The following RGS7 variants were observed in gnomAD, a reference collection of about 807,000 sequenced individuals.
The protein encoded by RGS7 is regulator of G protein signaling 7, also known as regulator of G-protein signaling 7.
A neutral mutation model predicts 81.1 loss-of-function variants in RGS7; 27 were observed. That is an observed-to-expected ratio of 0.33 (90% CI 0.25 to 0.46). The LOEUF (loss-of-function observed/expected upper bound fraction) is 0.46. RGS7 is among the 20% of genes least tolerant of loss of function. The probability of loss-of-function intolerance (pLI) is 1.00; values close to 1 mark genes in which losing one functional copy is unlikely to be tolerated. For missense variants in RGS7, 396 were observed against 607.4 expected, an observed-to-expected ratio of 0.65 and a Z score of 3.66; for synonymous variants, 208 against 207.7, an observed-to-expected ratio of 1.00 and a Z score of -0.01.
chr1:241,113,581 G>C (rs2065680905), intron 2 of RGS7, among the ~76,000 whole-genome samples: 1 of 152,202 alleles, frequency 6.6e-6, no homozygotes, highest in Admixed American at 6.5e-5. Context: ...TTAACGTTTT[G>C]ATACTCGCAT....
intron 4 of RGS7, among the ~76,000 whole-genome samples, chr1:240,946,422 G>C (rs1678617820): frequency 6.6e-6 from 1 of 152,048 alleles, no homozygotes; most frequent in Non-Finnish European, 1.5e-5. Context: ...GGACATCATA[G>C]TGAGACTCCA....
intron 6 of RGS7, among the ~76,000 whole-genome samples, chr1:240,918,184 T>G (rs964945033): frequency 6.6e-6 from 1 of 152,120 alleles, no homozygotes; most frequent in African/African-American, 2.4e-5. Flanking sequence ...ATATCTGTGG[T>G]TGACAGATCT....
chr1:241,139,789 T>G (rs2103078179), intron 2 of RGS7, among the ~76,000 whole-genome samples: 1 of 152,364 alleles, frequency 6.6e-6, no homozygotes, highest in Admixed American at 6.5e-5. Flanking sequence ...CCATGCTTTC[T>G]AATAAAGCAT....
At chr1:240,930,661 A>T (rs1675285538) in intron 6 of RGS7, 56 bp downstream of exon 6, 1 of 1,477,932 alleles carries the variant, frequency 6.8e-7, no homozygotes, top group East Asian at 2.3e-5. Context: ...ACGCAAGTAC[A>T]CATCCATCTA....
chr1:241,017,278 C>T (rs993218592), intron 3 of RGS7, among the ~76,000 whole-genome samples: 8 of 151,986 alleles, frequency 5.3e-5, no homozygotes, highest in African/African-American at 1.9e-4. Context: ...CCCGTCTCTA[C>T]TAAAATACAA....
chr1:241,331,977 C>G (rs566405973), intron 2 of RGS7, among the ~76,000 whole-genome samples: 1 of 152,178 alleles, frequency 6.6e-6, no homozygotes, highest in Non-Finnish European at 1.5e-5. Flanking sequence ...AGAGAACAAT[C>G]GAGTTTCCAA....
intron 6 of RGS7, among the ~76,000 whole-genome samples, chr1:240,904,150 A>G (rs769777386): frequency 1.3e-4 from 20 of 152,190 alleles, no homozygotes; most frequent in African/African-American, 3.9e-4. Context: ...CCAAGACACA[A>G]CATAAGTCAT....
At chr1:240,922,928 C>T (rs577277151) in intron 6 of RGS7, among the ~76,000 whole-genome samples, 11 of 152,026 alleles carry the variant, frequency 7.2e-5, no homozygotes, top group Admixed American at 2.0e-4. Flanking sequence ...CAGCTCAACT[C>T]GTAATTGCCA....
intron 2 of RGS7, among the ~76,000 whole-genome samples, chr1:241,239,545 T>C (rs78493538): frequency 0.036 from 5,555 of 152,256 alleles, 344 homozygotes; most frequent in African/African-American, 0.12. Context: ...CTTGCTCAAT[T>C]TGGGACATGT....
intron 3 of RGS7, among the ~76,000 whole-genome samples, chr1:240,984,995 C>T (rs1398013340): frequency 6.6e-6 from 1 of 152,142 alleles, no homozygotes; most frequent in South Asian, 2.1e-4. Context: ...GGAAGACAGA[C>T]TCATCCAGAT....
intron 3 of RGS7, among the ~76,000 whole-genome samples, chr1:241,087,710 A>G (rs938025595): frequency 7.9e-5 from 12 of 152,256 alleles, no homozygotes; most frequent in African/African-American, 2.6e-4. Flanking sequence ...GCACTTTGGG[A>G]GGCCGAGGTG....
At chr1:241,040,480 T>TTTAC (rs1452028918) in intron 3 of RGS7, among the ~76,000 whole-genome samples, 1 of 119,046 alleles carries the variant, frequency 8.4e-6, no homozygotes, top group Non-Finnish European at 2.0e-5. Context: ...TACTTTTCTT[T>TTTAC]TTATTTATTT....
At chr1:240,860,160 G>A (rs746300802) in intron 9 of RGS7, among the ~76,000 whole-genome samples, 2 of 152,138 alleles carry the variant, frequency 1.3e-5, no homozygotes, top group African/African-American at 2.4e-5. Flanking sequence ...TGAGAAGAAC[G>A]TGTATTCTGC....
At chr1:241,147,751 C>T (rs1245598198) in intron 2 of RGS7, among the ~76,000 whole-genome samples, 8 of 118,980 alleles carry the variant, frequency 6.7e-5, no homozygotes, top group Admixed American at 4.0e-4. Context: ...TTTTTAGGTG[C>T]GGATTAAATA....
Position 241,144,926 on chromosome 1 carries a change from G to GGGGTGTGTGTGTGTGTGTGTGTGT in RGS7, c.79-46165_79-46164insACACACACACACACACACACACCC, listed in dbSNP as rs2068191841. ...TCAGTATGTGTTGGCAGGGCAGGAT[G>GGGGTGTGTGTGTGTGTGTGTGTGT]GTGTGTGTGTGTGTGTGTGTGTGTG... On this transcript the variant is annotated intron_variant, in intron 2 of 18. Coordinates refer to ENST00000440928, the MANE Select transcript of RGS7 (RefSeq NM_001364886.1). This position sits in a 1 kb window ranked among gnomAD's most constrained non-coding sequence, Gnocchi z 4.7. Among the ~76,000 whole-genome samples, 4 of 141,904 alleles carry GGGGTGTGTGTGTGTGTGTGTGTGT rather than the reference G, an allele frequency of 2.8e-5. No homozygotes were observed. The highest frequency in any genetic ancestry group is 1.1e-4 in the African/African-American group (4 of 37,322). The allele number at this position is 141,904 out of a possible 152,430, so 93.1% of individuals were successfully genotyped here. A position where few individuals can be genotyped will look rare whatever the true frequency, so the allele number is the denominator to read the frequency against.
At chr1:240,857,957 G>A (rs982146869) in intron 9 of RGS7, among the ~76,000 whole-genome samples, 3 of 152,140 alleles carry the variant, frequency 2.0e-5, no homozygotes, top group Non-Finnish European at 4.4e-5. Context: ...ACCACCATGT[G>A]AACAAGGACA....
At chr1:240,846,469 G>A (rs1406395921) in intron 9 of RGS7, among the ~76,000 whole-genome samples, 1 of 152,140 alleles carries the variant, frequency 6.6e-6, no homozygotes, top group Non-Finnish European at 1.5e-5. Context: ...CCTGCTTACA[G>A]GTTACTGTAA....
chr1:240,932,802 C>T (rs1675742914), intron 5 of RGS7, among the ~76,000 whole-genome samples: 1 of 149,962 alleles, frequency 6.7e-6, no homozygotes, highest in African/African-American at 2.5e-5. Context: ...GCCACTGTGC[C>T]CGGCCTAAAA....
intron 2 of RGS7, among the ~76,000 whole-genome samples, chr1:241,170,484 GACAGAA>G (rs2070649786): frequency 1.3e-5 from 2 of 152,250 alleles, no homozygotes; most frequent in Admixed American, 6.5e-5. Context: ...CTTATACGGA[GACAGAA>G]ACAGAGAAAG....
Sources: allele counts gnomAD v4.1 joint callset (sites outside exome capture counted in the v4.1 genomes callset), GRCh38; gene constraint gnomAD v4.1.1; non-coding constraint Gnocchi (gnomAD v3.1); transcripts MANE v1.5; gene names NCBI Gene and HGNC (gene_info 2026-07-23, HGNC 2026-07-21).